RPS6KA2: variants seen among roughly 807,000 people sequenced by gnomAD.
The protein encoded by RPS6KA2 is ribosomal protein S6 kinase alpha-2.
A neutral mutation model predicts 91.8 loss-of-function variants in RPS6KA2; 42 were observed. The ratio of observed to expected loss-of-function variants is 0.46; its 90% CI spans 0.36 to 0.59. The LOEUF (loss-of-function observed/expected upper bound fraction) is 0.59, where lower values mean the gene tolerates loss of function less well. RPS6KA2 is among the 20% of genes least tolerant of loss of function. RPS6KA2 has a pLI of 0.00. For missense variants in RPS6KA2, 798 were observed against 978.5 expected, an observed-to-expected ratio of 0.82 and a Z score of 2.46; for synonymous variants, 414 against 393.6, an observed-to-expected ratio of 1.05 and a Z score of -0.61.
At chr6:166,798,236 C>T (rs1779274119) in intron 2 of RPS6KA2, among the ~76,000 whole-genome samples, 1 of 152,200 alleles carries the variant, frequency 6.6e-6, no homozygotes, top group South Asian at 2.1e-4. Context: ...TGGGGTGGCC[C>T]CTGCAAGTCC....
chr6:166,475,430 C>T (rs1583182404), intron 10 of RPS6KA2, among the ~76,000 whole-genome samples: 1 of 152,318 alleles, frequency 6.6e-6, no homozygotes, highest in Non-Finnish European at 1.5e-5. Context: ...CCAGGTGTGC[C>T]ATTCTTCCTT....
At chr6:166,680,967 A>G (rs1442694033) in intron 2 of RPS6KA2, among the ~76,000 whole-genome samples, 21 of 152,118 alleles carry the variant, frequency 1.4e-4, no homozygotes, top group Non-Finnish European at 3.1e-4. Context: ...CCTGTGAGGG[A>G]CCTGTTTGGC....
At chr6:166,677,356 A>C (rs1377931024) in intron 2 of RPS6KA2, among the ~76,000 whole-genome samples, 2 of 151,644 alleles carry the variant, frequency 1.3e-5, no homozygotes, top group Non-Finnish European at 2.9e-5. Context: ...AAACGTGTTC[A>C]TATCAGTTTT....
rs140499899 is a variant in RPS6KA2, at chr6:166,857,369, G to A, written c.123+831C>T. Among the ~76,000 whole-genome samples the A allele has an allele frequency of 5.2e-3, 792 of 152,272 alleles. 6 individuals are homozygous for A. The highest frequency in any genetic ancestry group is 0.017 in the African/African-American group (717 of 41,542). ...CACGGCTCCGGCTGCCTCTGAGAGC[G>A]TTTGCTTTACCAGTGGTGGAAGTGT... On this transcript the variant is annotated intron_variant, in intron 2 of 21. Transcript: ENST00000503859.
At chr6:166,415,956 T>C (rs1583101972) in intron 19 of RPS6KA2, among the ~76,000 whole-genome samples, 1 of 90,778 alleles carries the variant, frequency 1.1e-5, no homozygotes. Context: ...ACAATCACCT[T>C]CACCATCATC....
At chr6:166,855,983 A>G (rs573020861) in intron 2 of RPS6KA2, among the ~76,000 whole-genome samples, 2 of 152,360 alleles carry the variant, frequency 1.3e-5, no homozygotes, top group African/African-American at 2.4e-5. Context: ...ACTTTTAAAG[A>G]GGTTGGTTAC....
At chr6:166,528,791 A>G (rs1045964881) in intron 3 of RPS6KA2, among the ~76,000 whole-genome samples, 2 of 151,980 alleles carry the variant, frequency 1.3e-5, no homozygotes, top group African/African-American at 4.8e-5. Flanking sequence ...AAAAGAATAC[A>G]TTTATGCAGC....
chr6:166,467,855 C>T (rs1486231452), intron 11 of RPS6KA2, among the ~76,000 whole-genome samples: 1 of 152,260 alleles, frequency 6.6e-6, no homozygotes, highest in Non-Finnish European at 1.5e-5. Context: ...GCTCTATCCC[C>T]AGCCCTGGAA....
chr6:166,544,101 C>G (rs997641784), intron 1 of RPS6KA2, among the ~76,000 whole-genome samples: 7 of 152,264 alleles, frequency 4.6e-5, no homozygotes, highest in Non-Finnish European at 8.8e-5. Context: ...GTTCCCTGCT[C>G]TAACACAGGG....
At chr6:166,549,651 G>A (rs1189715500) in intron 1 of RPS6KA2, among the ~76,000 whole-genome samples, 3 of 152,156 alleles carry the variant, frequency 2.0e-5, no homozygotes, top group African/African-American at 7.2e-5. Context: ...GATGGTTGGT[G>A]TTGGGGGGGT....
chr6:166,548,855 G>T (rs1334407141), intron 1 of RPS6KA2, among the ~76,000 whole-genome samples: 1 of 152,170 alleles, frequency 6.6e-6, no homozygotes, highest in African/African-American at 2.4e-5. Context: ...AAAATTTAAA[G>T]CTTTTGCTTT....
In RPS6KA2 at chr6:166,707,189, T is replaced by C. The variant is rs554457299; in HGVS notation, c.123+151011A>G. ...GTGGCAGCACTGGACAGATAACCCT[T>C]TGTGCAATGCCGGGGTTGCCGGGAA... On this transcript the variant is annotated intron_variant, in intron 2 of 21. Coordinates refer to the RPS6KA2 transcript ENST00000503859. 5.9e-5 allele frequency among the ~76,000 whole-genome samples: 9 copies of C among 152,236 alleles called. No homozygotes were observed. In the East Asian group the frequency reaches 7.7e-4, roughly 13 times the overall value.
At chr6:166,627,258 G>T (rs996052896), upstream of RPS6KA2, 2 of 1,009,590 alleles carry the variant, frequency 2.0e-6, no homozygotes, top group African/African-American at 1.7e-5. Context: ...GAGTACCAGC[G>T]CCGGCCACGC....
rs1348672572 is a variant in RPS6KA2 at position 166,639,964 on chromosome 6, G to A, written c.124-101180C>T. Among the ~76,000 whole-genome samples, 2 of 152,202 alleles carry A rather than the reference G, an allele frequency of 1.3e-5. No individual in the cohort carries two copies. The highest frequency in any genetic ancestry group is 2.9e-5 in the Non-Finnish European group (2 of 68,038). On this transcript the variant is annotated intron_variant, in intron 2 of 21. Coordinates refer to the RPS6KA2 transcript ENST00000503859. This position sits in a 1 kb window ranked among gnomAD's most constrained non-coding sequence, Gnocchi z 4.2. The stretch of plus-strand genomic sequence containing the variant: ...CGTGTGTGTAAACAGACGTTACTAG[G>A]ATTATTTTCAGTGGGTTGCTGATTA...
chr6:166,689,529 A>T (rs1317919440), intron 2 of RPS6KA2, among the ~76,000 whole-genome samples: 1 of 151,948 alleles, frequency 6.6e-6, no homozygotes, highest in Non-Finnish European at 1.5e-5. Flanking sequence ...GATTTTTAGA[A>T]CCTCCAGGGG....
At chr6:166,764,694 CA>C (rs373493072) in intron 2 of RPS6KA2, among the ~76,000 whole-genome samples, 90 of 152,288 alleles carry the variant, frequency 5.9e-4, no homozygotes, top group African/African-American at 1.9e-3. Flanking sequence ...AAACAAACCA[CA>C]AGGAGCCTGC....
At chr6:166,438,894 T>G (rs903656788) in intron 14 of RPS6KA2, among the ~76,000 whole-genome samples, 2 of 152,226 alleles carry the variant, frequency 1.3e-5, no homozygotes, top group African/African-American at 4.8e-5. Flanking sequence ...GCCCTGCGTC[T>G]GTTGCAGTAA....
intron 1 of RPS6KA2, among the ~76,000 whole-genome samples, chr6:166,861,204 A>C (rs6938363): frequency 0.11 from 16,934 of 152,258 alleles, 2,884 homozygotes; most frequent in African/African-American, 0.36. Context: ...TATAAGAATA[A>C]ATAAAATTTA....
In RPS6KA2 at chr6:166,547,160, G is replaced by A. The variant is rs141747530; in HGVS notation, c.100-8376C>T. Among the ~76,000 whole-genome samples the A allele has an allele frequency of 5.9e-5, 9 of 152,264 alleles. No homozygotes were observed. In the East Asian group the frequency reaches 1.7e-3, roughly 29 times the overall value. ...CAGACCGTTCAGATACCCAGCAGAG[G>A]GACGCTTGCTGGGGTAAGAGAGGCC... On this transcript the variant is annotated intron_variant, in intron 1 of 20. Coordinates refer to ENST00000265678, the MANE Select transcript of RPS6KA2 (RefSeq NM_021135.6).
Sources: allele counts gnomAD v4.1 joint callset (sites outside exome capture counted in the v4.1 genomes callset), GRCh38; gene constraint gnomAD v4.1.1; non-coding constraint Gnocchi (gnomAD v3.1); transcripts MANE v1.5; gene names NCBI Gene and HGNC (gene_info 2026-07-23, HGNC 2026-07-21).